The following BANK1 variants were observed in gnomAD, a reference collection of about 807,000 sequenced individuals.
BANK1 encodes the protein B-cell scaffold protein with ankyrin repeats.
A neutral mutation model predicts 94.5 loss-of-function variants in BANK1; 95 were observed. That is an observed-to-expected ratio of 1.00 (90% confidence interval 0.85 to 1.19). The LOEUF (loss-of-function observed/expected upper bound fraction) is 1.19, where lower values mean the gene tolerates loss of function less well. Ranked by LOEUF, BANK1 falls within the 50% of genes most tolerant of loss-of-function variation. BANK1 has a pLI of 0.00. For synonymous variants in BANK1, 334 were observed against 308.4 expected (o/e 1.08, Z -0.87); for missense variants, 987 against 932.2 (o/e 1.06, Z -0.77).
intron 7 of BANK1, among the ~76,000 whole-genome samples, chr4:101,924,587 G>A (rs929496165): frequency 6.6e-6 from 1 of 151,728 alleles, no homozygotes; most frequent in East Asian, 1.9e-4. Context: ...ATCATTTGGC[G>A]GTGCGTTGGG....
intron 7 of BANK1, among the ~76,000 whole-genome samples, chr4:101,995,042 G>T (rs1238097536): frequency 6.6e-6 from 1 of 152,172 alleles, no homozygotes; most frequent in East Asian, 1.9e-4. Flanking sequence ...GTGGTTTGCT[G>T]CACCCATCAA....
At chr4:101,935,482 G>C (rs889998114) in intron 7 of BANK1, among the ~76,000 whole-genome samples, 1 of 151,486 alleles carries the variant, frequency 6.6e-6, no homozygotes, top group Non-Finnish European at 1.5e-5. Context: ...TCTACTTTTT[G>C]AGCAGGTATT....
intron 6 of BANK1, among the ~76,000 whole-genome samples, chr4:101,915,025 C>CT (rs1408509085): frequency 5.9e-5 from 9 of 152,150 alleles, no homozygotes; most frequent in Non-Finnish European, 8.8e-5. Flanking sequence ...TTTTTCATTG[C>CT]TATACATATG....
At chr4:101,931,154 T>C (rs1054792695) in intron 7 of BANK1, among the ~76,000 whole-genome samples, 1 of 151,572 alleles carries the variant, frequency 6.6e-6, no homozygotes, top group Non-Finnish European at 1.5e-5. Flanking sequence ...TCAAGAGTAT[T>C]GTGATAGTTA....
chr4:101,863,542 G>A (rs1370124323), intron 4 of BANK1, among the ~76,000 whole-genome samples: 1 of 152,046 alleles, frequency 6.6e-6, no homozygotes, highest in African/African-American at 2.4e-5. Flanking sequence ...TAGTGATTAT[G>A]CAGTCTATTT....
chr4:102,063,594 C>T (rs950216818), intron 13 of BANK1, among the ~76,000 whole-genome samples: 2 of 151,682 alleles, frequency 1.3e-5, no homozygotes, highest in South Asian at 2.1e-4. Flanking sequence ...GAGGCCGAGG[C>T]GGATGGATCA....
chr4:102,012,872 T>G (rs538422349), intron 7 of BANK1, among the ~76,000 whole-genome samples: 1 of 152,244 alleles, frequency 6.6e-6, no homozygotes, highest in East Asian at 1.9e-4. Context: ...AATGTAAACC[T>G]GGGTTCCTGT....
chr4:101,974,800 A>T (rs1181016254), intron 7 of BANK1, among the ~76,000 whole-genome samples: 1 of 151,846 alleles, frequency 6.6e-6, no homozygotes, highest in African/African-American at 2.4e-5. Flanking sequence ...ATACAAAAAA[A>T]AAAAAAATTA....
intron 7 of BANK1, among the ~76,000 whole-genome samples, chr4:101,985,555 A>C (rs1447508418): frequency 1.3e-5 from 2 of 152,118 alleles, no homozygotes; most frequent in Non-Finnish European, 1.5e-5. Context: ...GTTAAATTTT[A>C]ACTTGTGTTC....
intron 5 of BANK1, among the ~76,000 whole-genome samples, chr4:101,886,131 C>A (rs1728846605): frequency 6.6e-6 from 1 of 152,178 alleles, no homozygotes; most frequent in Non-Finnish European, 1.5e-5. Flanking sequence ...TCTGTTTTAT[C>A]TCCAGGACCA....
At position 101,986,827 on chromosome 4, in the gene BANK1, ATATATG is replaced by A. The variant is rs1560668113; in HGVS notation, c.1207-34681_1207-34676del. Among the ~76,000 whole-genome samples, 61 of 120,236 alleles carry A rather than the reference ATATATG, an allele frequency of 5.1e-4. No individual in the cohort carries two copies. The East Asian group carries it at 0.013, about 26-fold the overall frequency. 78.9% of individuals were successfully genotyped at this position (120,236 alleles called of 152,430 possible). On this transcript the variant is annotated intron_variant, in intron 7 of 16. Coordinates refer to ENST00000322953, the MANE Select transcript of BANK1 (RefSeq NM_017935.5). ...TATATATATGTATATATATGTGTAT[ATATATG>A]TATATATATGTGTATATATATGTAT...
intron 6 of BANK1, among the ~76,000 whole-genome samples, chr4:101,896,889 T>A (rs1722099886): frequency 6.6e-6 from 1 of 152,002 alleles, no homozygotes; most frequent in Non-Finnish European, 1.5e-5. Context: ...CAAAGATAGA[T>A]AATTGATTAC....
intron 11 of BANK1, among the ~76,000 whole-genome samples, chr4:102,047,649 G>T (rs1310424298): frequency 1.3e-5 from 2 of 152,008 alleles, no homozygotes; most frequent in Admixed American, 1.3e-4. Flanking sequence ...AATCCCTGAA[G>T]TGTTTTTCTT....
intron 6 of BANK1, among the ~76,000 whole-genome samples, chr4:101,908,345 C>G (rs1578391878): frequency 6.6e-6 from 1 of 152,160 alleles, no homozygotes. Flanking sequence ...GGAAAACTGG[C>G]CAGCCATATG....
chr4:102,042,339 T>C (rs1423848328), intron 10 of BANK1, among the ~76,000 whole-genome samples: 3 of 152,036 alleles, frequency 2.0e-5, no homozygotes, highest in Non-Finnish European at 2.9e-5. Flanking sequence ...TTAGTTATAT[T>C]TAGCATGTTT....
chr4:101,853,501 T>C (rs1727568601), intron 2 of BANK1, among the ~76,000 whole-genome samples: 1 of 152,040 alleles, frequency 6.6e-6, no homozygotes, highest in South Asian at 2.1e-4. Flanking sequence ...CTTGTTGCAA[T>C]AAAGAGAAGG....
Position 101,994,602 on chromosome 4 carries a change from T to C in BANK1, c.1207-26912T>C, listed in dbSNP as rs74901710. ...CATGAAAATGGAATCAGAAAAGCAG[T>C]ATGTTAGGGCTGATAGGGGCCTTAG... On this transcript the variant is annotated intron_variant, in intron 7 of 16. Transcript: ENST00000322953. Among the ~76,000 whole-genome samples the C allele has an allele frequency of 4.7e-3, 711 of 152,200 alleles. 13 individuals carry two copies. The East Asian group carries it at 0.056, about 12-fold the overall frequency.
At chr4:101,997,987 T>C (rs1485381701) in intron 7 of BANK1, among the ~76,000 whole-genome samples, 1 of 152,202 alleles carries the variant, frequency 6.6e-6, no homozygotes, top group African/African-American at 2.4e-5. Flanking sequence ...TTTGTTTCTC[T>C]AGTTCTGTTA....
chr4:101,928,428 A>G (rs1723234442), intron 7 of BANK1, among the ~76,000 whole-genome samples: 2 of 151,674 alleles, frequency 1.3e-5, no homozygotes, highest in African/African-American at 2.4e-5. Context: ...AAATCAGAGC[A>G]TTTTTATCTG....
Sources: allele counts gnomAD v4.1 joint callset (sites outside exome capture counted in the v4.1 genomes callset), GRCh38; gene constraint gnomAD v4.1.1; transcripts MANE v1.5; gene names NCBI Gene and HGNC (gene_info 2026-07-23, HGNC 2026-07-21).